The following CELF2 variants were observed in gnomAD, a reference collection of about 807,000 sequenced individuals.
The protein encoded by CELF2 is CUGBP Elav-like family member 2.
In CELF2, 8 loss-of-function variants were observed where a neutral mutation model predicts 62.6. The observed-to-expected ratio is 0.13, with a 90% CI of 0.07 to 0.23. CELF2 has a LOEUF of 0.23. Among genes scored for constraint, CELF2 ranks in the 10% least tolerant of loss-of-function variants. CELF2 has a pLI of 1.00. For missense variants in CELF2, 333 were observed against 671.0 expected (o/e 0.50, Z 5.56); for synonymous variants, 258 against 250.0 (o/e 1.03, Z -0.30).
upstream of CELF2, among the ~76,000 whole-genome samples, chr10:10,793,479 C>T (rs558815663): frequency 6.6e-6 from 1 of 152,230 alleles, no homozygotes; most frequent in East Asian, 1.9e-4. Flanking sequence ...AATAAGAAAA[C>T]ATAGCCGCTA....
rs149647967 is a variant in CELF2 at position 11,028,099 on chromosome 10, C to T, written c.74+9936C>T. Reference sequence around the variant, plus strand: ...TGCTCCCAAGTGAACTTTCAGAAAACGCGCAGTCCCTAGGACAACATCATG... The same window carrying T: ...TGCTCCCAAGTGAACTTTCAGAAAATGCGCAGTCCCTAGGACAACATCATG... On this transcript the variant is annotated intron_variant, in intron 1 of 12. Coordinates refer to ENST00000633077, the MANE Select transcript of CELF2 (RefSeq NM_001326342.2). Among the ~76,000 whole-genome samples the T allele has an allele frequency of 5.2e-4, 79 of 152,306 alleles. 2 individuals are homozygous for T. The Middle Eastern group carries it at 0.024, about 46-fold the overall frequency.
At chr10:11,254,871 T>G (rs979980275) in intron 4 of CELF2, among the ~76,000 whole-genome samples, 4 of 152,040 alleles carry the variant, frequency 2.6e-5, no homozygotes, top group African/African-American at 4.8e-5. Context: ...TTTCTCCCTT[T>G]TCTACCCCCT....
chr10:10,544,010 C>G, the CELF2 span, among the ~76,000 whole-genome samples: 1 of 152,118 alleles, frequency 6.6e-6, no homozygotes, highest in Non-Finnish European at 1.5e-5. Flanking sequence ...CTTTGGGGGA[C>G]CTGAATCAAT....
chr10:10,900,747 C>A (rs932456483), intron 1 of CELF2, among the ~76,000 whole-genome samples: 15 of 152,198 alleles, frequency 9.9e-5, no homozygotes, highest in Non-Finnish European at 7.4e-5. Flanking sequence ...AAAAGTACAA[C>A]ATAAAAGACA....
chr10:10,923,732 G>A (rs1471775744), intron 2 of CELF2: 1 of 152,204 alleles, frequency 6.6e-6, no homozygotes, highest in East Asian at 1.9e-4. Context: ...CAATGATCTT[G>A]TTAGGATTAA....
intron 1 of CELF2, among the ~76,000 whole-genome samples, chr10:10,837,956 C>A (rs1018380939): frequency 7.9e-5 from 12 of 152,240 alleles, no homozygotes; most frequent in Admixed American, 7.8e-4. Flanking sequence ...ATTAATGAAC[C>A]AGTATTGATA....
chr10:10,495,093 G>A, the CELF2 span, among the ~76,000 whole-genome samples: 1 of 150,376 alleles, frequency 6.6e-6, no homozygotes, highest in Non-Finnish European at 1.5e-5. Context: ...TGGCTAACAT[G>A]GTGAAACCCC....
the CELF2 span, among the ~76,000 whole-genome samples, chr10:10,719,510 C>G: frequency 6.6e-6 from 1 of 152,148 alleles, no homozygotes. Context: ...AAGACATCCT[C>G]CCACCTAGGC....
At chr10:10,660,727 G>A in the CELF2 span, among the ~76,000 whole-genome samples, 16 of 152,270 alleles carry the variant, frequency 1.1e-4, no homozygotes, top group African/African-American at 2.6e-4. Context: ...ATGAATGAAC[G>A]ATAGAACATT....
Position 11,046,184 on chromosome 10 carries a change from G to C in CELF2, c.74+28021G>C, listed in dbSNP as rs528994740. Among the ~76,000 whole-genome samples, 1 of 152,144 alleles carries C rather than the reference G, an allele frequency of 6.6e-6. No individual in the cohort carries two copies. The highest frequency in any genetic ancestry group is 2.4e-5 in the African/African-American group (1 of 41,424). On this transcript the variant is annotated intron_variant, in intron 1 of 12. Transcript: ENST00000633077. The surrounding 1 kb of genome is among the most constrained non-coding windows in gnomAD (Gnocchi z 4.6). ...GCACGCCAGCGGTTCTCAAAATCAC[G>C]GCACCGCTTGTCTAACAACACCGAA...
chr10:10,948,896 C>T lies in CELF2; in HGVS notation c.89+28897C>T, dbSNP rs539673375. Among the ~76,000 whole-genome samples the T allele has an allele frequency of 3.9e-5, 6 of 152,264 alleles. No homozygotes were observed. In the South Asian group the frequency reaches 6.2e-4, roughly 16 times the overall value. The stretch of plus-strand genomic sequence containing the variant: ...GGCTGGCTCTGGCTTCCTGCAAAAA[C>T]GCTTACCTGTCTCTGTACCCATCTA... On this transcript the variant is annotated intron_variant, in intron 2 of 13. Coordinates refer to the CELF2 transcript ENST00000636488.
the CELF2 span, among the ~76,000 whole-genome samples, chr10:10,501,943 C>T: frequency 3.9e-5 from 6 of 152,216 alleles, no homozygotes; most frequent in African/African-American, 1.4e-4. Flanking sequence ...AAGTTGCCCC[C>T]TATTCCTGTT....
chr10:11,177,227 T>TTA lies in CELF2; in HGVS notation c.271+11546_271+11547dup. ...CTAAGGCATCCCCTACACAGAATGTTTAGTAGGGAGGTATTAAAATTAATA... is the reference window on the plus strand; with the variant it reads ...CTAAGGCATCCCCTACACAGAATGTTTATAGTAGGGAGGTATTAAAATTAATA... On this transcript the variant is annotated intron_variant, in intron 2 of 12. Transcript: ENST00000633077. The surrounding 1 kb of genome is among the most constrained non-coding windows in gnomAD (Gnocchi z 4.8). Among the ~76,000 whole-genome samples the TTA allele has an allele frequency of 6.6e-6, 1 of 152,288 alleles. No individual in the cohort carries two copies. Among genetic ancestry groups the TTA allele is most frequent in the Non-Finnish European group, 1.5e-5 (1 of 68,026 alleles).
rs372783836 is a variant in CELF2, at chr10:11,025,207, ATG to A, written c.74+7076_74+7077del. 3.3e-3 allele frequency among the ~76,000 whole-genome samples: 472 copies of A among 141,176 alleles called. 2 individuals carry two copies. Among genetic ancestry groups the A allele is most frequent in the African/African-American group, 7.8e-3 (296 of 38,192 alleles). The allele number at this position is 141,176 out of a possible 152,430, so 92.6% of individuals were successfully genotyped here. A position where few individuals can be genotyped will look rare whatever the true frequency, so the allele number is the denominator to read the frequency against. On this transcript the variant is annotated intron_variant, in intron 1 of 12. Coordinates refer to ENST00000633077, the MANE Select transcript of CELF2 (RefSeq NM_001326342.2). ...AATATGTGTGGGGGTATATACATAT[ATG>A]TGTGTGTGTGTGTGTGTGTGTGTGT... is the stretch of plus-strand genomic sequence containing the variant.
chr10:10,684,748 A>T, the CELF2 span, among the ~76,000 whole-genome samples: 1 of 152,178 alleles, frequency 6.6e-6, no homozygotes, highest in Non-Finnish European at 1.5e-5. Context: ...TGTCTCAACA[A>T]CAACAACAAA....
intron 1 of CELF2, among the ~76,000 whole-genome samples, chr10:10,883,910 T>TTCCTCC (rs911719760): frequency 1.3e-5 from 2 of 151,174 alleles, no homozygotes; most frequent in Non-Finnish European, 3.0e-5. Context: ...CCTCCCCCTC[T>TTCCTCC]TCCTCCTCCT....
chr10:10,589,006 C>T, the CELF2 span, among the ~76,000 whole-genome samples: 1 of 152,146 alleles, frequency 6.6e-6, no homozygotes, highest in Non-Finnish European at 1.5e-5. Context: ...AATGACATAC[C>T]TGTGACACAG....
At chr10:11,231,731 T>C (rs1165232889) in intron 3 of CELF2, among the ~76,000 whole-genome samples, 1 of 150,710 alleles carries the variant, frequency 6.6e-6, no homozygotes, top group Non-Finnish European at 1.5e-5. Flanking sequence ...AAACGTTTAG[T>C]CTTTGATAGA....
At chr10:10,625,443 C>T in the CELF2 span, among the ~76,000 whole-genome samples, 68,147 of 152,044 alleles carry the variant, frequency 0.45, 15,768 homozygotes, top group South Asian at 0.71. Flanking sequence ...GAAGGCAACA[C>T]TGCGTATCTC....
Sources: allele counts gnomAD v4.1 joint callset (sites outside exome capture counted in the v4.1 genomes callset), GRCh38; gene constraint gnomAD v4.1.1; non-coding constraint Gnocchi (gnomAD v3.1); transcripts MANE v1.5; gene names NCBI Gene and HGNC (gene_info 2026-07-23, HGNC 2026-07-21).